The following VWA3B variants were observed in gnomAD, a reference collection of about 807,000 sequenced individuals.
The protein encoded by VWA3B is von Willebrand factor A domain-containing protein 3B.
A neutral mutation model predicts 158.3 loss-of-function variants in VWA3B; 138 were observed. The ratio of observed to expected loss-of-function variants is 0.87; its 90% CI spans 0.76 to 1.00. The LOEUF (loss-of-function observed/expected upper bound fraction) is 1.00, where lower values mean the gene tolerates loss of function less well. VWA3B is among the 50% of genes least tolerant of loss of function. The probability of loss-of-function intolerance (pLI) is 0.00; values close to 1 mark genes in which losing one functional copy is unlikely to be tolerated. For synonymous variants in VWA3B, 596 were observed against 587.3 expected (o/e 1.01, Z -0.21); for missense variants, 1,555 against 1,565.1 (o/e 0.99, Z 0.11).
intron 7 of VWA3B, among the ~76,000 whole-genome samples, chr2:98,143,778 G>A (rs1263125565): frequency 6.9e-6 from 1 of 144,214 alleles, no homozygotes; most frequent in African/African-American, 2.6e-5. Context: ...TTGAGACATG[G>A]TTTGCTGTGT....
intron 12 of VWA3B, among the ~76,000 whole-genome samples, chr2:98,203,048 T>A (rs527281955): frequency 6.6e-6 from 1 of 152,092 alleles, no homozygotes; most frequent in Non-Finnish European, 1.5e-5. Flanking sequence ...GGCCAGGATG[T>A]TCTCGATTTC....
chr2:98,217,091 A>G, intron 13 of VWA3B: 1 of 729,018 alleles, frequency 1.4e-6, no homozygotes, highest in South Asian at 1.8e-5. Flanking sequence ...GTTCCCCTCA[A>G]TGGCAGAGGG....
At chr2:98,313,646 T>G (rs1691024662), downstream of VWA3B, among the ~76,000 whole-genome samples, 1 of 152,152 alleles carries the variant, frequency 6.6e-6, no homozygotes, top group Non-Finnish European at 1.5e-5. Context: ...AACAAGCAAT[T>G]TGAGTGCTGA....
chr2:98,277,208 G>A (rs760849555), intron 22 of VWA3B, among the ~76,000 whole-genome samples: 1 of 152,134 alleles, frequency 6.6e-6, no homozygotes, highest in Non-Finnish European at 1.5e-5. Context: ...ACTACATAAT[G>A]ACAGGAGAAA....
chr2:98,246,521 G>A (rs1233435302), intron 19 of VWA3B, among the ~76,000 whole-genome samples: 1 of 152,002 alleles, frequency 6.6e-6, no homozygotes, highest in Non-Finnish European at 1.5e-5. Flanking sequence ...GGGATTACAG[G>A]CACATGCCAC....
chr2:98,317,800 C>T (rs540749954), downstream of VWA3B, among the ~76,000 whole-genome samples: 6 of 152,304 alleles, frequency 3.9e-5, no homozygotes, highest in South Asian at 1.2e-3. Context: ...TCAGGATCTC[C>T]TGAGGGCTGT....
At chr2:98,276,109 A>G (rs1273684798) in intron 22 of VWA3B, among the ~76,000 whole-genome samples, 1 of 152,016 alleles carries the variant, frequency 6.6e-6, no homozygotes, top group Non-Finnish European at 1.5e-5. Context: ...GTTCCAGCAT[A>G]GATGTCCCTA....
intron 5 of VWA3B, among the ~76,000 whole-genome samples, chr2:98,124,683 A>G (rs1052939357): frequency 6.6e-6 from 1 of 152,140 alleles, no homozygotes; most frequent in African/African-American, 2.4e-5. Flanking sequence ...GTTCTGGTTG[A>G]CTTTCTTTTT....
intron 22 of VWA3B, among the ~76,000 whole-genome samples, chr2:98,277,835 G>A (rs1265576953): frequency 6.6e-6 from 1 of 152,182 alleles, no homozygotes; most frequent in African/African-American, 2.4e-5. Context: ...GCAGGAAGAT[G>A]TTAGCTGGGG....
intron 2 of VWA3B, among the ~76,000 whole-genome samples, chr2:98,105,787 C>T (rs1673596604): frequency 6.6e-6 from 1 of 151,976 alleles, no homozygotes; most frequent in Non-Finnish European, 1.5e-5. Flanking sequence ...TATGGGTGTT[C>T]AGTTGCTCCA....
chr2:98,193,328 C>T (rs1681754586), intron 11 of VWA3B, among the ~76,000 whole-genome samples: 1 of 152,118 alleles, frequency 6.6e-6, no homozygotes, highest in Non-Finnish European at 1.5e-5. Context: ...CCAGAAACTC[C>T]TCATCTTAGC....
rs187688371 is a variant in VWA3B, at chr2:98,140,371, T to C, written c.988+6432T>C. Reference sequence around the variant, plus strand: ...GGATCTTTGGCTTGGATTTACAGAGTGCAGGAGATTTAGTCTGGCAGATGC... The same window carrying C: ...GGATCTTTGGCTTGGATTTACAGAGCGCAGGAGATTTAGTCTGGCAGATGC... On this transcript the variant is annotated intron_variant, in intron 7 of 27. Coordinates refer to ENST00000477737, the MANE Select transcript of VWA3B (RefSeq NM_144992.5). Among the ~76,000 whole-genome samples the C allele has an allele frequency of 2.8e-3, 425 of 152,270 alleles. 2 individuals carry two copies. Among genetic ancestry groups the C allele is most frequent in the African/African-American group, 9.5e-3 (395 of 41,560 alleles).
At chr2:98,232,292 T>C (rs1181942127) in intron 16 of VWA3B, among the ~76,000 whole-genome samples, 1 of 152,248 alleles carries the variant, frequency 6.6e-6, no homozygotes, top group Non-Finnish European at 1.5e-5. Context: ...ATCCCTTTGT[T>C]AGCTTTTTAA....
intron 22 of VWA3B, among the ~76,000 whole-genome samples, chr2:98,288,753 T>C (rs1363955973): frequency 6.6e-6 from 1 of 152,216 alleles, no homozygotes; most frequent in African/African-American, 2.4e-5. Flanking sequence ...ACGTTATCTT[T>C]TATTCTGTTG....
At chr2:98,275,176 G>A (rs1034632115) in intron 22 of VWA3B, among the ~76,000 whole-genome samples, 2 of 152,240 alleles carry the variant, frequency 1.3e-5, no homozygotes, top group Non-Finnish European at 2.9e-5. Flanking sequence ...TAGAATCGTG[G>A]TGGGCACCTT....
chr2:98,276,695 G>A (rs1045207505), intron 22 of VWA3B, among the ~76,000 whole-genome samples: 1 of 150,384 alleles, frequency 6.6e-6, no homozygotes, highest in Admixed American at 6.6e-5. Context: ...GAGGGCTGTG[G>A]CCACTGCGTT....
intron 2 of VWA3B, among the ~76,000 whole-genome samples, chr2:98,098,057 G>A (rs1485643123): frequency 2.0e-5 from 3 of 152,030 alleles, no homozygotes; most frequent in African/African-American, 7.2e-5. Context: ...CTGATTTCCA[G>A]TTTTATACCA....
intron 7 of VWA3B, among the ~76,000 whole-genome samples, chr2:98,139,989 C>T (rs1676636377): frequency 6.6e-6 from 1 of 152,124 alleles, no homozygotes; most frequent in Admixed American, 6.5e-5. Context: ...GCCAGCGAGA[C>T]CACAAGCCCA....
intron 26 of VWA3B, 64 bp downstream of exon 26, chr2:98,303,866 T>A: frequency 6.7e-7 from 1 of 1,500,708 alleles, no homozygotes; most frequent in Non-Finnish European, 9.2e-7. Context: ...TAATCTGTTT[T>A]TGAGATGAGA....
Sources: allele counts gnomAD v4.1 joint callset (sites outside exome capture counted in the v4.1 genomes callset), GRCh38; gene constraint gnomAD v4.1.1; transcripts MANE v1.5; gene names NCBI Gene and HGNC (gene_info 2026-07-23, HGNC 2026-07-21).